Variants in RGS6 observed in about 807,000 individuals in gnomAD.
The protein encoded by RGS6 is regulator of G protein signaling 6, also known as regulator of G-protein signaling 6.
A neutral mutation model predicts 78.5 loss-of-function variants in RGS6; 30 were observed. That is an observed-to-expected ratio of 0.38 (90% CI 0.29 to 0.52). RGS6 has a LOEUF of 0.52. Ranked by LOEUF, RGS6 falls within the 20% of genes least tolerant of loss-of-function variation. RGS6 has a pLI of 0.85. For missense variants in RGS6, 495 were observed against 609.7 expected (o/e 0.81, Z 1.98); for synonymous variants, 206 against 206.0 (o/e 1.00, Z 0.00).
intron 3 of RGS6, among the ~76,000 whole-genome samples, chr14:72,411,360 G>T (rs929276355): frequency 4.2e-4 from 63 of 151,686 alleles, no homozygotes; most frequent in African/African-American, 1.4e-3. Flanking sequence ...CTCATGATTT[G>T]GCTGTTTGTC....
At chr14:72,357,188 C>T (rs919057987) in intron 3 of RGS6, among the ~76,000 whole-genome samples, 1 of 151,866 alleles carries the variant, frequency 6.6e-6, no homozygotes, top group East Asian at 1.9e-4. Context: ...AGGAGAATCA[C>T]TTGAGCCCAG....
intron 15 of RGS6, among the ~76,000 whole-genome samples, chr14:72,522,618 G>A (rs2097061264): frequency 6.6e-6 from 1 of 152,134 alleles, no homozygotes; most frequent in African/African-American, 2.4e-5. Context: ...AGGACCTATG[G>A]CTGTGTTTAT....
At chr14:71,898,429 T>C in the RGS6 span, among the ~76,000 whole-genome samples, 2 of 152,210 alleles carry the variant, frequency 1.3e-5, no homozygotes, top group African/African-American at 4.8e-5. Context: ...TTAGCATCTG[T>C]AGGACAGGAA....
At chr14:72,407,905 G>A (rs767513874) in intron 3 of RGS6, among the ~76,000 whole-genome samples, 3 of 152,182 alleles carry the variant, frequency 2.0e-5, no homozygotes, top group Non-Finnish European at 2.9e-5. Context: ...ACCAAACTAT[G>A]AGAAGGAGCC....
chr14:72,390,421 A>G (rs1204659352), intron 3 of RGS6, among the ~76,000 whole-genome samples: 1 of 152,068 alleles, frequency 6.6e-6, no homozygotes, highest in Non-Finnish European at 1.5e-5. Flanking sequence ...CTTGGTGGAA[A>G]GCAAAGCTTT....
At chr14:71,881,592 C>T in the RGS6 span, among the ~76,000 whole-genome samples, 8 of 152,186 alleles carry the variant, frequency 5.3e-5, no homozygotes, top group Non-Finnish European at 8.8e-5. Flanking sequence ...CATTCTGTCT[C>T]GTCTGCCACC....
At chr14:72,477,431 T>C (rs775412238) in intron 11 of RGS6, among the ~76,000 whole-genome samples, 10 of 151,938 alleles carry the variant, frequency 6.6e-5, no homozygotes, top group Non-Finnish European at 1.0e-4. Flanking sequence ...GAGTAAACTT[T>C]GAGGTGCTTG....
chr14:72,066,072 A>G (rs959506339), intron 2 of RGS6, among the ~76,000 whole-genome samples: 1 of 152,138 alleles, frequency 6.6e-6, no homozygotes, highest in African/African-American at 2.4e-5. Context: ...GTGTACTGCA[A>G]ATGTTTGGGA....
chr14:72,319,096 A>G (rs867280359), intron 2 of RGS6, among the ~76,000 whole-genome samples: 3 of 152,360 alleles, frequency 2.0e-5, no homozygotes, highest in African/African-American at 7.2e-5. Context: ...GGATATTGTA[A>G]TATGCCATAC....
At chr14:72,044,956 A>G (rs907856587) in intron 2 of RGS6, among the ~76,000 whole-genome samples, 5 of 152,242 alleles carry the variant, frequency 3.3e-5, no homozygotes, top group Non-Finnish European at 5.9e-5. Flanking sequence ...TTGTATCTGC[A>G]GTCCCGCAGT....
intron 2 of RGS6, among the ~76,000 whole-genome samples, chr14:72,336,442 C>A (rs1236606120): frequency 6.6e-6 from 1 of 151,640 alleles, no homozygotes; most frequent in Non-Finnish European, 1.5e-5. Context: ...AGACAATATG[C>A]AAGAAGTCAA....
intron 17 of RGS6, chr14:72,547,403 A>C: frequency 2.6e-5 from 32 of 1,242,094 alleles, no homozygotes; most frequent in Non-Finnish European, 2.8e-5. Flanking sequence ...AGTCCCCCCA[A>C]AATGAGCTCC....
At chr14:72,193,772 C>T (rs1361374830) in intron 2 of RGS6, among the ~76,000 whole-genome samples, 1 of 152,096 alleles carries the variant, frequency 6.6e-6, no homozygotes, top group African/African-American at 2.4e-5. Context: ...AAAAGTTTAT[C>T]AGGCAAGGTA....
At chr14:71,997,595 C>T (rs536515074) in intron 2 of RGS6, among the ~76,000 whole-genome samples, 5 of 152,058 alleles carry the variant, frequency 3.3e-5, no homozygotes, top group African/African-American at 1.2e-4. Context: ...TTAATGAAGC[C>T]AGAAGGAGAG....
At chr14:72,044,637 G>A (rs1220021960) in intron 2 of RGS6, among the ~76,000 whole-genome samples, 2 of 152,082 alleles carry the variant, frequency 1.3e-5, no homozygotes, top group African/African-American at 2.4e-5. Flanking sequence ...TTGGGAGGCC[G>A]AGGCAGGCGG....
At chr14:71,933,507 G>T (rs1051605051) in intron 1 of RGS6, among the ~76,000 whole-genome samples, 2 of 152,208 alleles carry the variant, frequency 1.3e-5, no homozygotes, top group Admixed American at 6.5e-5. Flanking sequence ...TGAACTGGTT[G>T]CGTGAGGAGT....
At chr14:72,584,069 G>T in the RGS6 span, among the ~76,000 whole-genome samples, 1 of 152,202 alleles carries the variant, frequency 6.6e-6, no homozygotes, top group African/African-American at 2.4e-5. Flanking sequence ...AACATAAATG[G>T]TCATATTTCA....
intron 15 of RGS6, among the ~76,000 whole-genome samples, chr14:72,535,530 A>G (rs909957886): frequency 2.0e-5 from 3 of 152,172 alleles, no homozygotes; most frequent in African/African-American, 7.2e-5. Context: ...CATGGCTACA[A>G]TCCCCTGATT....
In RGS6 at chr14:72,223,727, A is replaced by G. The variant is rs1477375080; in HGVS notation, c.85-128368A>G. On this transcript the variant is annotated intron_variant, in intron 2 of 17. Coordinates refer to ENST00000553525, the MANE Select transcript of RGS6 (RefSeq NM_001204424.2). ...CCAGAGATGCAATGGGGTTGCTTCA[A>G]ATGATCCAGAAGGGGGTTTTTGCAT... is the stretch of plus-strand genomic sequence containing the variant. Among the ~76,000 whole-genome samples the G allele has an allele frequency of 3.3e-5, 5 of 152,232 alleles. No homozygotes were observed. In the South Asian group the frequency reaches 6.2e-4, roughly 19 times the overall value.
Sources: allele counts gnomAD v4.1 joint callset (sites outside exome capture counted in the v4.1 genomes callset), GRCh38; gene constraint gnomAD v4.1.1; transcripts MANE v1.5; gene names NCBI Gene and HGNC (gene_info 2026-07-23, HGNC 2026-07-21).